IL1RL1: variants seen among roughly 807,000 people sequenced by gnomAD.
IL1RL1 encodes the protein interleukin-1 receptor-like 1.
IL1RL1 carries 32 observed loss-of-function variants against 50.9 expected under a neutral mutation model. That is an observed-to-expected ratio of 0.63 (90% CI 0.47 to 0.84). The LOEUF is 0.84. IL1RL1 is among the 40% of genes least tolerant of loss of function. The pLI, the probability that IL1RL1 is intolerant of heterozygous loss-of-function variation, is 0.00. For missense variants in IL1RL1, 773 were observed against 662.9 expected (o/e 1.17, Z -1.82); for synonymous variants, 275 against 236.0 (o/e 1.17, Z -1.51).
chr2:102,330,172 G>T (rs13013436), intron 1 of IL1RL1, among the ~76,000 whole-genome samples: 12,646 of 152,256 alleles, frequency 0.083, 588 homozygotes, highest in Middle Eastern at 0.31. Context: ...AAAAGATGAT[G>T]AGTTCATGTC....
intron 8 of IL1RL1, 38 bp downstream of exon 8, chr2:102,343,453 T>A: frequency 6.2e-7 from 1 of 1,614,102 alleles, no homozygotes. Context: ...ACCTGAACTT[T>A]CTCTAGCAAG....
chr2:102,321,508 G>A lies in IL1RL1; in HGVS notation c.-150+9885G>A, dbSNP rs117915913. ...CAGTTGATGCAGTGTTGGTATGTGC[G>A]GCCATGTTAGATGTTAGAACACTGA... On this transcript the variant is annotated intron_variant, in intron 1 of 10. Coordinates refer to ENST00000233954, the MANE Select transcript of IL1RL1 (RefSeq NM_016232.5). 3.1e-3 allele frequency among the ~76,000 whole-genome samples: 466 copies of A among 152,196 alleles called. 3 individuals are homozygous for A. The East Asian group carries it at 0.032, about 10-fold the overall frequency.
Position 102,344,138 on chromosome 2 carries a change from G to A in IL1RL1, c.970+723G>A, listed in dbSNP as rs116953957. On this transcript the variant is annotated intron_variant, in intron 8 of 10. Coordinates refer to ENST00000233954, the MANE Select transcript of IL1RL1 (RefSeq NM_016232.5). ...CAGGCACTTCACACAGTAAAAGCAG[G>A]AGCGAGAGAGAGGTGCCACACTGAA... 3.0e-3 allele frequency: 476 copies of A among 160,006 alleles called. 3 individuals carry two copies. The East Asian group carries it at 0.032, about 11-fold the overall frequency. 9.9% of individuals were successfully genotyped at this position (160,006 alleles called of 1,614,324 possible). A position where few individuals can be genotyped will look rare whatever the true frequency, so the allele number is the denominator to read the frequency against.
intron 1 of IL1RL1, 98 bp downstream of exon 1, chr2:102,311,721 GTTATA>G (rs1290642581): frequency 1.9e-4 from 24 of 129,026 alleles, no homozygotes; most frequent in Admixed American, 6.5e-4. Flanking sequence ...AATATTCATT[GTTATA>G]TTATTATAAC....
intron 10 of IL1RL1, among the ~76,000 whole-genome samples, chr2:102,350,040 G>C (rs1677885914): frequency 7.0e-6 from 1 of 143,442 alleles, no homozygotes; most frequent in South Asian, 2.2e-4. Context: ...AGGTGACTTT[G>C]GTTTACCCTG....
chr2:102,335,006 G>A (rs879522315), intron 1 of IL1RL1, among the ~76,000 whole-genome samples: 2 of 152,098 alleles, frequency 1.3e-5, no homozygotes, highest in Non-Finnish European at 2.9e-5. Flanking sequence ...GGTTCAATGA[G>A]CTTAGATTCT....
At chr2:102,345,034 C>T in intron 8 of IL1RL1, 1 of 947,078 alleles carries the variant, frequency 1.1e-6, no homozygotes, top group Non-Finnish European at 1.3e-6. Flanking sequence ...TAATTGGTGG[C>T]ATCACAAATA....
At position 102,340,790 on chromosome 2, in the gene IL1RL1, A is replaced by G; in HGVS notation, c.572A>G (p.Asn191Ser). Residue 191 changes from asparagine (N) to serine (S), a missense_variant, in exon 5 of 11, where the codon AAT becomes AGT. Asn to Ser is a conservative substitution (Grantham distance 46). Transcript: ENST00000233954. The stretch of plus-strand genomic sequence containing the variant: ...TTTATACACAATGAAAATGGAGCCA[A>G]TTATAGTGTGACGGCGACCAGGTCC... ...CKFIHNENGA[N>S]YSVTATRSFT... 1.3e-6 allele frequency: 2 copies of G among 1,584,678 alleles called. No homozygotes were observed. The highest frequency in any genetic ancestry group is 1.7e-6 in the Non-Finnish European group (2 of 1,171,302).
chr2:102,339,033 C>T lies in IL1RL1; in HGVS notation c.258C>T (p.Thr86=), dbSNP rs1241054086. The T allele has an allele frequency of 1.7e-5, 28 of 1,612,234 alleles. No homozygotes were observed. Among genetic ancestry groups the T allele is most frequent in the Non-Finnish European group, 2.2e-5 (26 of 1,178,502 alleles). ...PAAVADSGIY[T]CIVRSPTFNR... ...CAGTTGCTGATTCTGGTATTTATAC[C>T]TGTATTGTCAGAAGGTATTATGCAG... The change falls in exon 3 of 11, where the codon ACC becomes ACT. Residue 86 remains threonine, a synonymous_variant. Transcript: ENST00000233954.
Position 102,340,743 on chromosome 2 carries a change from C to A in IL1RL1, c.525C>A (p.Asp175Glu), listed in dbSNP as rs200131845. The A allele has an allele frequency of 8.8e-6, 14 of 1,597,746 alleles. No individual in the cohort carries two copies. Among genetic ancestry groups the A allele is most frequent in the South Asian group, 2.3e-5 (2 of 88,658 alleles). Reference protein sequence around the residue: ...FLVIDNVMTEDAGDYTCKFIH... With the variant: ...FLVIDNVMTEEAGDYTCKFIH... ...TCATTGATAATGTGATGACTGAGGA[C>A]GCAGGTGATTACACCTGTAAATTTA... The change falls in exon 5 of 11, where the codon GAC becomes GAA. Residue 175 changes from aspartate (D) to glutamate (E), a missense_variant. Physicochemically the swap from Asp to Glu is conservative, Grantham distance 45. Transcript: ENST00000233954.
At chr2:102,342,081 G>T (rs1677589231) in intron 5 of IL1RL1, 142 bp from the exon 6 acceptor site, 1 of 497,526 alleles carries the variant, frequency 2.0e-6, no homozygotes, top group Admixed American at 3.2e-5. Context: ...GTGTGTGTGT[G>T]TGTGTGTTTG....
chr2:102,334,521 A>G (rs929227535), intron 1 of IL1RL1, among the ~76,000 whole-genome samples: 1 of 152,180 alleles, frequency 6.6e-6, no homozygotes, highest in Non-Finnish European at 1.5e-5. Context: ...TCCTGAAAAC[A>G]TTTTCATCAA....
rs879087548 is a variant in IL1RL1 at position 102,351,668 on chromosome 2, A to G, written c.1418A>G (p.Asn473Ser). ...EVALHCALIQNDAKVILIEME... is the reference protein window; with the variant it reads ...EVALHCALIQSDAKVILIEME... ...GCCCTGCACTGTGCCCTCATCCAGA[A>G]CGACGCCAAGGTGATACTTATTGAG... Residue 473 changes from asparagine (N) to serine (S), a missense_variant, in exon 11 of 11, where the codon AAC becomes AGC. By Grantham distance (46) the Asn-to-Ser change is conservative. Transcript: ENST00000233954. The G allele has an allele frequency of 8.1e-6, 13 of 1,614,102 alleles. No individual in the cohort carries two copies. The South Asian group carries it at 1.4e-4, about 18-fold the overall frequency.
intron 1 of IL1RL1, among the ~76,000 whole-genome samples, chr2:102,328,547 G>A (rs1279738496): frequency 2.6e-5 from 4 of 152,140 alleles, no homozygotes; most frequent in Non-Finnish European, 5.9e-5. Context: ...ATTCAATTAG[G>A]AAAAGAGGAA....
In IL1RL1 at chr2:102,349,171, A is replaced by C; in HGVS notation, c.1210A>C (p.Ile404Leu). Residue 404 changes from isoleucine to leucine, a missense_variant, in exon 10 of 11, where the codon ATT becomes CTT. Transcript: ENST00000233954. ...ASRVEHFVHQ[I>L]LPDVLENKCG... ...TCGTGTAGAGCACTTTGTTCACCAG[A>C]TTCTGCCTGATGTTCTTGAAAATAA... 2 of 1,613,786 alleles carry C rather than the reference A, an allele frequency of 1.2e-6. No homozygotes were observed. Among genetic ancestry groups the C allele is most frequent in the Non-Finnish European group, 1.7e-6 (2 of 1,179,686 alleles).
Position 102,340,963 on chromosome 2 carries a change from A to T in IL1RL1, c.610+135A>T, listed in dbSNP as rs190601634. The T allele has an allele frequency of 2.5e-4, 188 of 738,614 alleles. 1 individual carries two copies. The East Asian group carries it at 5.6e-3, about 22-fold the overall frequency. 45.8% of individuals were successfully genotyped at this position (738,614 alleles called of 1,614,324 possible). A position where few individuals can be genotyped will look rare whatever the true frequency, so the allele number is the denominator to read the frequency against. On this transcript the variant is annotated intron_variant, in intron 5 of 10. Transcript: ENST00000233954. ...CCTCCTGCTCCATCTTATCTTATAC[A>T]TTCTGAACTATGACGCAAAGAGGTT...
chr2:102,335,511 A>T (rs1677296238), intron 1 of IL1RL1, among the ~76,000 whole-genome samples: 1 of 152,304 alleles, frequency 6.6e-6, no homozygotes, highest in Middle Eastern at 3.4e-3. Flanking sequence ...ATAAAATTTG[A>T]GTGATGTTAA....
At chr2:102,335,496 T>C (rs1406504690) in intron 1 of IL1RL1, among the ~76,000 whole-genome samples, 1 of 152,194 alleles carries the variant, frequency 6.6e-6, no homozygotes, top group Non-Finnish European at 1.5e-5. Flanking sequence ...TTTTTATTTG[T>C]AACTATAAAA....
At position 102,324,160 on chromosome 2, in the gene IL1RL1, T is replaced by C. The variant is rs889303232; in HGVS notation, c.-150+12537T>C. ...ACATTTGTGTACAAGTCTTTTTGTGTGCATAAGTTTTTATTTCTCTTAGGT... is the reference window on the plus strand; with the variant it reads ...ACATTTGTGTACAAGTCTTTTTGTGCGCATAAGTTTTTATTTCTCTTAGGT... On this transcript the variant is annotated intron_variant, in intron 1 of 10. Transcript: ENST00000233954. 1.2e-4 allele frequency among the ~76,000 whole-genome samples: 18 copies of C among 152,180 alleles called. 1 individual carries two copies.
Sources: gnomAD v4.1 joint callset for allele counts (sites outside exome capture counted in the v4.1 genomes callset) on GRCh38, gnomAD v4.1.1 for gene constraint, MANE v1.5 for transcripts, NCBI Gene and HGNC (gene_info 2026-07-23, HGNC 2026-07-21) for gene names.